LRP1B: variants seen among roughly 807,000 people sequenced by gnomAD.
The protein encoded by LRP1B is low-density lipoprotein receptor-related protein 1B.
Under a neutral mutation model 556.6 loss-of-function variants are expected in LRP1B, and 217 were observed. The ratio of observed to expected loss-of-function variants is 0.39; its 90% CI spans 0.35 to 0.44. The LOEUF (loss-of-function observed/expected upper bound fraction) is 0.44. Among genes scored for constraint, LRP1B ranks in the 20% least tolerant of loss-of-function variants. LRP1B has a pLI of 1.00. For synonymous variants in LRP1B, 2,047 were observed against 1,865.8 expected, an observed-to-expected ratio of 1.10 and a Z score of -2.50; for missense variants, 5,053 against 5,620.8, an observed-to-expected ratio of 0.90 and a Z score of 3.23.
At chr2:140,282,863 A>G (rs563170046) in intron 84 of LRP1B, among the ~76,000 whole-genome samples, 2 of 151,846 alleles carry the variant, frequency 1.3e-5, no homozygotes, top group African/African-American at 4.8e-5. Context: ...CCAACCATCA[A>G]GGTGATCTAT....
intron 86 of LRP1B, among the ~76,000 whole-genome samples, chr2:140,247,529 C>A (rs897527811): frequency 2.6e-5 from 4 of 151,510 alleles, no homozygotes; most frequent in Admixed American, 2.0e-4. Flanking sequence ...TTAAGCAAAT[C>A]CTTCTGTAAG....
chr2:141,314,891 T>A (rs1392068724), intron 3 of LRP1B, among the ~76,000 whole-genome samples: 1 of 144,350 alleles, frequency 6.9e-6, no homozygotes, highest in African/African-American at 2.5e-5. Flanking sequence ...TATATACATA[T>A]ATACATATAT....
At chr2:141,138,199 G>T (rs770234410) in intron 7 of LRP1B, among the ~76,000 whole-genome samples, 3 of 151,848 alleles carry the variant, frequency 2.0e-5, no homozygotes, top group Non-Finnish European at 4.4e-5. Context: ...CAAAAAAATC[G>T]TTTGACAAAA....
intron 89 of LRP1B, among the ~76,000 whole-genome samples, chr2:140,235,833 AAAT>A (rs1680673517): frequency 6.6e-6 from 1 of 151,068 alleles, no homozygotes. Context: ...TTCATATGAA[AAAT>A]GTGTAAAGTA....
intron 3 of LRP1B, among the ~76,000 whole-genome samples, chr2:141,279,803 T>G (rs73962898): frequency 2.6e-5 from 4 of 152,160 alleles, no homozygotes; most frequent in Middle Eastern, 3.4e-3. Context: ...CAATAGGTTG[T>G]TTTCAAACAT....
intron 66 of LRP1B, among the ~76,000 whole-genome samples, chr2:140,393,647 G>C (rs548734565): frequency 6.6e-6 from 1 of 151,590 alleles, no homozygotes; most frequent in South Asian, 2.1e-4. Flanking sequence ...TAGTAATGTT[G>C]GTTACCAATA....
chr2:140,465,059 T>C (rs1687486665), intron 60 of LRP1B, among the ~76,000 whole-genome samples: 1 of 152,154 alleles, frequency 6.6e-6, no homozygotes, highest in Admixed American at 6.5e-5. Context: ...TCATGGTTCT[T>C]CAAGGTTTAC....
At chr2:142,089,231 A>AC (rs1706068525) in intron 1 of LRP1B, among the ~76,000 whole-genome samples, 1 of 22,706 alleles carries the variant, frequency 4.4e-5, no homozygotes, top group African/African-American at 1.9e-4. Context: ...TTCTGCAACT[A>AC]TTTAAGAATC....
intron 3 of LRP1B, among the ~76,000 whole-genome samples, chr2:141,446,830 T>G (rs1681210581): frequency 6.6e-6 from 1 of 152,194 alleles, no homozygotes; most frequent in Admixed American, 6.5e-5. Context: ...CCTTTCTCAC[T>G]GGCTGCCTTT....
intron 11 of LRP1B, among the ~76,000 whole-genome samples, chr2:141,020,515 T>C (rs185932208): frequency 4.6e-5 from 7 of 152,194 alleles, no homozygotes; most frequent in Non-Finnish European, 1.0e-4. Context: ...TGTGTCAGCA[T>C]GTTCAAACTT....
intron 84 of LRP1B, among the ~76,000 whole-genome samples, chr2:140,286,317 A>G (rs575638184): frequency 1.5e-3 from 233 of 151,924 alleles, no homozygotes; most frequent in African/African-American, 5.5e-3. Flanking sequence ...GAAGTTTGCC[A>G]GCATGGGTTT....
intron 1 of LRP1B, among the ~76,000 whole-genome samples, chr2:141,824,871 A>G (rs1696871544): frequency 6.6e-6 from 1 of 152,100 alleles, no homozygotes; most frequent in Non-Finnish European, 1.5e-5. Flanking sequence ...CAATGTGTCG[A>G]GGGAGGGACC....
chr2:141,815,515 T>C (rs1696512106), intron 1 of LRP1B, among the ~76,000 whole-genome samples: 1 of 151,922 alleles, frequency 6.6e-6, no homozygotes, highest in Non-Finnish European at 1.5e-5. Flanking sequence ...CAAGGGATTG[T>C]AAAATGCACC....
At chr2:140,371,464 TTA>T (rs754022490) in intron 69 of LRP1B, among the ~76,000 whole-genome samples, 179 bp from the exon 70 acceptor site, 3 of 151,782 alleles carry the variant, frequency 2.0e-5, no homozygotes, top group Non-Finnish European at 4.4e-5. Flanking sequence ...AATTTTAGAA[TTA>T]GTTATAATAT....
chr2:140,258,415 C>T (rs1015311963), intron 86 of LRP1B, among the ~76,000 whole-genome samples: 1 of 152,052 alleles, frequency 6.6e-6, no homozygotes, highest in Non-Finnish European at 1.5e-5. Context: ...GCTGGCTTTA[C>T]ATATTGTAGC....
At chr2:141,566,957 T>C (rs988328573) in intron 2 of LRP1B, among the ~76,000 whole-genome samples, 2 of 152,178 alleles carry the variant, frequency 1.3e-5, no homozygotes, top group Non-Finnish European at 1.5e-5. Flanking sequence ...TTAATAATTA[T>C]AGTTCACTAA....
chr2:140,536,508 G>C (rs2105002576), intron 46 of LRP1B, 73 bp downstream of exon 46: 1 of 1,456,816 alleles, frequency 6.9e-7, no homozygotes, highest in East Asian at 2.3e-5. Flanking sequence ...ACCACACCGA[G>C]ACAAGCAAAC....
intron 3 of LRP1B, among the ~76,000 whole-genome samples, chr2:141,401,908 T>A (rs1690465251): frequency 1.3e-5 from 2 of 152,190 alleles, no homozygotes; most frequent in South Asian, 4.1e-4. Context: ...TGACCATCAA[T>A]AAGTTTTTCT....
Position 141,408,211 on chromosome 2 carries a change from C to T in LRP1B, c.343+72185G>A, listed in dbSNP as rs376236841. On this transcript the variant is annotated intron_variant, in intron 3 of 90. Transcript: ENST00000389484. ...AGGCTGGAGTGCAGTGGCATGATCT[C>T]GGCTCACTGCAAGCTCTGCCTCCCA... Among the ~76,000 whole-genome samples, 62 of 143,940 alleles carry T rather than the reference C, an allele frequency of 4.3e-4. 1 individual carries two copies. In the East Asian group the frequency reaches 0.011, roughly 24 times the overall value. 94.4% of individuals were successfully genotyped at this position (143,940 alleles called of 152,430 possible).
Sources: gnomAD v4.1 joint callset for allele counts (sites outside exome capture counted in the v4.1 genomes callset) on GRCh38, gnomAD v4.1.1 for gene constraint, MANE v1.5 for transcripts, NCBI Gene and HGNC (gene_info 2026-07-23, HGNC 2026-07-21) for gene names.